DPYD: variants seen among roughly 807,000 people sequenced by gnomAD.
The protein encoded by DPYD is dihydropyrimidine dehydrogenase [NADP(+)].
Under a neutral mutation model 116.2 loss-of-function variants are expected in DPYD, and 109 were observed. The observed-to-expected ratio is 0.94, with a 90% CI of 0.80 to 1.10. The LOEUF is 1.10. DPYD is among the 50% of genes least tolerant of loss of function. The pLI, the probability that DPYD is intolerant of heterozygous loss-of-function variation, is 0.00. For missense variants in DPYD, 1,302 were observed against 1,254.5 expected (o/e 1.04, Z -0.57); for synonymous variants, 440 against 432.0 (o/e 1.02, Z -0.23).
chr1:97,892,121 T>A (rs1571540980), intron 1 of DPYD, among the ~76,000 whole-genome samples: 1 of 151,864 alleles, frequency 6.6e-6, no homozygotes, highest in Non-Finnish European at 1.5e-5. Flanking sequence ...TTTTCCCATT[T>A]CTTTCATAAT....
intron 3 of DPYD, among the ~76,000 whole-genome samples, chr1:97,759,239 T>C (rs1889227): frequency 0.97 from 147,922 of 152,256 alleles, 72,006 homozygotes; most frequent in East Asian, 1. Flanking sequence ...TCACTAAATA[T>C]CTTAAAGTTC....
At chr1:97,295,636 G>T in intron 18 of DPYD, 1 of 326,168 alleles carries the variant, frequency 3.1e-6, no homozygotes, top group Non-Finnish European at 4.4e-6. Flanking sequence ...TCACCATGTT[G>T]CTCAGGCTAG....
At chr1:97,306,360 G>A in intron 16 of DPYD, 63 bp from the exon 17 acceptor site, 1 of 1,602,648 alleles carries the variant, frequency 6.2e-7, no homozygotes, top group South Asian at 1.1e-5. Flanking sequence ...AATGTGTACT[G>A]GAACAACAGC....
At chr1:97,838,991 G>A (rs1669915084) in intron 2 of DPYD, among the ~76,000 whole-genome samples, 1 of 152,206 alleles carries the variant, frequency 6.6e-6, no homozygotes, top group African/African-American at 2.4e-5. Context: ...GATTTCCGCA[G>A]ATCCTCATGA....
intron 13 of DPYD, among the ~76,000 whole-genome samples, chr1:97,467,362 G>T (rs1050929991): frequency 2.0e-5 from 3 of 152,188 alleles, no homozygotes; most frequent in Non-Finnish European, 4.4e-5. Flanking sequence ...TTAACTGATT[G>T]CAAATCAGAA....
chr1:97,168,799 C>G (rs909924999), intron 20 of DPYD, among the ~76,000 whole-genome samples: 10 of 151,900 alleles, frequency 6.6e-5, no homozygotes, highest in Admixed American at 5.3e-4. Context: ...GGCACTACAC[C>G]TGACTATGCT....
At chr1:97,850,137 C>T (rs970405539) in intron 2 of DPYD, among the ~76,000 whole-genome samples, 5 of 152,184 alleles carry the variant, frequency 3.3e-5, no homozygotes, top group South Asian at 2.1e-4. Context: ...ATTGCACAAG[C>T]TGAGCTGTCT....
At chr1:97,300,706 G>T (rs1467783625) in intron 18 of DPYD, among the ~76,000 whole-genome samples, 2 of 151,972 alleles carry the variant, frequency 1.3e-5, no homozygotes, top group African/African-American at 4.8e-5. Flanking sequence ...GATTAGAGTG[G>T]GTTACACTGG....
At position 97,082,352 on chromosome 1, in the gene DPYD, G is replaced by A. The variant is rs765247038; in HGVS notation, c.2885C>T (p.Thr962Ile). Residue 962 changes from threonine to isoleucine, a missense_variant, in exon 22 of 23, where the codon ACC (threonine) becomes ATC (isoleucine). Transcript: ENST00000370192. ...MCINCGKCYM[T>I]CNDSGYQAIQ... ...TACCTGGTAGCCAGAATCATTACAGGTCATGTAGCATTTACCACAGTTGAT... is the reference window on the plus strand; with the variant it reads ...TACCTGGTAGCCAGAATCATTACAGATCATGTAGCATTTACCACAGTTGAT... 1.9e-6 allele frequency: 3 copies of A among 1,613,340 alleles called. No homozygotes were observed. The highest frequency in any genetic ancestry group is 2.2e-5 in the East Asian group (1 of 44,848).
intron 20 of DPYD, among the ~76,000 whole-genome samples, chr1:97,150,899 G>C (rs1026563839): frequency 1.3e-5 from 2 of 152,046 alleles, no homozygotes; most frequent in Non-Finnish European, 1.5e-5. Flanking sequence ...AATGACAAAT[G>C]TTTTTCATTG....
At chr1:97,688,412 T>A (rs1660846608) in intron 7 of DPYD, among the ~76,000 whole-genome samples, 1 of 152,040 alleles carries the variant, frequency 6.6e-6, no homozygotes, top group South Asian at 2.1e-4. Context: ...AAGCAGAAAT[T>A]TTTCTAGAAA....
At chr1:97,635,501 C>A (rs1657508098) in intron 8 of DPYD, among the ~76,000 whole-genome samples, 1 of 152,144 alleles carries the variant, frequency 6.6e-6, no homozygotes. Context: ...TTTAAGACCA[C>A]CAGTGTGGTT....
intron 13 of DPYD, among the ~76,000 whole-genome samples, chr1:97,481,565 A>T (rs1191300601): frequency 6.6e-6 from 1 of 152,228 alleles, no homozygotes; most frequent in Non-Finnish European, 1.5e-5. Context: ...AATACTGTAT[A>T]TAATCCATAC....
chr1:97,696,537 T>C, intron 6 of DPYD, among the ~76,000 whole-genome samples: 1 of 152,154 alleles, frequency 6.6e-6, no homozygotes, highest in Admixed American at 6.6e-5. Context: ...GAATGATTAT[T>C]TTCCAAGTTT....
intron 3 of DPYD, among the ~76,000 whole-genome samples, chr1:97,769,793 A>G (rs2101155723): frequency 6.6e-6 from 1 of 152,324 alleles, no homozygotes; most frequent in African/African-American, 2.4e-5. Context: ...TATAGGAAAC[A>G]TTTAAAAGAA....
At chr1:97,510,677 T>C (rs536432680) in intron 13 of DPYD, among the ~76,000 whole-genome samples, 1 of 152,120 alleles carries the variant, frequency 6.6e-6, no homozygotes, top group African/African-American at 2.4e-5. Flanking sequence ...TGCATGTCCC[T>C]TTGTAATGTG....
chr1:97,774,153 C>A (rs1483110419), intron 3 of DPYD, among the ~76,000 whole-genome samples: 3 of 152,144 alleles, frequency 2.0e-5, no homozygotes, highest in Non-Finnish European at 4.4e-5. Context: ...GCCACACCAC[C>A]GTTGCATGCC....
chr1:97,510,289 T>C (rs956400234), intron 13 of DPYD, among the ~76,000 whole-genome samples: 2 of 151,720 alleles, frequency 1.3e-5, no homozygotes, highest in Non-Finnish European at 2.9e-5. Context: ...TGTGCCAAAC[T>C]GAATTTCAAA....
At chr1:97,774,014 A>G (rs771756711) in intron 3 of DPYD, among the ~76,000 whole-genome samples, 3 of 152,188 alleles carry the variant, frequency 2.0e-5, no homozygotes, top group Non-Finnish European at 4.4e-5. Flanking sequence ...ACTGTAACAC[A>G]CGTTCACTGG....
Sources: gnomAD v4.1 joint callset for allele counts (sites outside exome capture counted in the v4.1 genomes callset) on GRCh38, gnomAD v4.1.1 for gene constraint, MANE v1.5 for transcripts, NCBI Gene and HGNC (gene_info 2026-07-23, HGNC 2026-07-21) for gene names.